The following CBLN2 variants were observed in gnomAD, a reference collection of about 807,000 sequenced individuals.
The protein encoded by CBLN2 is cerebellin 2 precursor, also known as cerebellin-2.
CBLN2 carries 7 observed loss-of-function variants against 15.0 expected under a neutral mutation model. The ratio of observed to expected loss-of-function variants is 0.47; its 90% CI spans 0.27 to 0.88. The LOEUF (loss-of-function observed/expected upper bound fraction) is 0.88. CBLN2 is among the 40% of genes least tolerant of loss of function. CBLN2 has a pLI of 0.14. For synonymous variants in CBLN2, 149 were observed against 135.2 expected (o/e 1.10, Z -0.71); for missense variants, 242 against 304.5 (o/e 0.79, Z 1.53).
chr18:72,615,476 A>C (rs920709011), intron 1 of CBLN2, among the ~76,000 whole-genome samples: 3 of 151,520 alleles, frequency 2.0e-5, no homozygotes, highest in African/African-American at 7.3e-5. Flanking sequence ...GGGTTTCCCC[A>C]TGTTGGTCAG....
At chr18:72,541,232 C>T (rs2069108162) in intron 3 of CBLN2, among the ~76,000 whole-genome samples, 1 of 151,974 alleles carries the variant, frequency 6.6e-6, no homozygotes, top group Admixed American at 6.6e-5. Flanking sequence ...ATTTTACTTA[C>T]ACAATCACAA....
At chr18:72,556,225 GA>G (rs1462073302) in intron 1 of CBLN2, among the ~76,000 whole-genome samples, 1 of 152,074 alleles carries the variant, frequency 6.6e-6, no homozygotes, top group African/African-American at 2.4e-5. Flanking sequence ...AATAAATGTG[GA>G]ATTCTTTTAC....
intron 1 of CBLN2, among the ~76,000 whole-genome samples, chr18:72,623,744 A>G (rs1347780055): frequency 5.3e-5 from 8 of 152,154 alleles, no homozygotes; most frequent in Admixed American, 4.6e-4. Flanking sequence ...ATTGTGAACA[A>G]CATTACCAAG....
chr18:72,601,826 C>A (rs2144943387), intron 1 of CBLN2, among the ~76,000 whole-genome samples: 1 of 152,294 alleles, frequency 6.6e-6, no homozygotes, highest in South Asian at 2.1e-4. Context: ...TCCACAGACT[C>A]TTTTGTACAA....
intron 1 of CBLN2, among the ~76,000 whole-genome samples, chr18:72,611,594 G>T (rs1054123784): frequency 1.3e-5 from 2 of 151,972 alleles, no homozygotes; most frequent in African/African-American, 4.8e-5. Flanking sequence ...TGGGGTATTT[G>T]TTTTTGCTTG....
intron 1 of CBLN2, among the ~76,000 whole-genome samples, chr18:72,637,837 G>A (rs998785717): frequency 3.3e-5 from 5 of 152,212 alleles, no homozygotes; most frequent in African/African-American, 4.8e-5. Context: ...ATTTCCAAGA[G>A]TAGTATGTGG....
chr18:72,620,858 C>T (rs1187943297), intron 1 of CBLN2, among the ~76,000 whole-genome samples: 1 of 152,132 alleles, frequency 6.6e-6, no homozygotes, highest in Admixed American at 6.5e-5. Context: ...TTAAAAACCA[C>T]CCAGATGGCC....
chr18:72,629,661 C>T (rs1366390817), intron 1 of CBLN2, among the ~76,000 whole-genome samples: 1 of 152,004 alleles, frequency 6.6e-6, no homozygotes, highest in Admixed American at 6.6e-5. Context: ...CCCCTCAAAA[C>T]ATCTTGTTAT....
chr18:72,626,678 C>T (rs575493318), intron 1 of CBLN2, among the ~76,000 whole-genome samples: 146 of 152,138 alleles, frequency 9.6e-4, no homozygotes, highest in African/African-American at 3.2e-3. Flanking sequence ...CCAACCTTGG[C>T]GACAGAGTGA....
Position 72,608,545 on chromosome 18 carries a change from A to C in CBLN2, c.15+29780T>G, listed in dbSNP as rs190285136. 1.9e-3 allele frequency among the ~76,000 whole-genome samples: 293 copies of C among 152,316 alleles called. 1 individual carries two copies. The highest frequency in any genetic ancestry group is 7.0e-3 in the African/African-American group (289 of 41,582). ...TTCACATTTTTCTAAATTCCTGATT[A>C]GTATTTTATTAGGGAGCAGCAAGTT... is the stretch of plus-strand genomic sequence containing the variant. On this transcript the variant is annotated intron_variant, in intron 1 of 2. Coordinates refer to the CBLN2 transcript ENST00000581073.
chr18:72,567,147 A>G (rs927200227), intron 1 of CBLN2, among the ~76,000 whole-genome samples: 3 of 152,188 alleles, frequency 2.0e-5, no homozygotes, highest in Admixed American at 2.0e-4. Flanking sequence ...GTTTAAGGTG[A>G]TGGATATGCT....
intron 1 of CBLN2, among the ~76,000 whole-genome samples, chr18:72,607,701 CT>C (rs1368976463): frequency 6.6e-6 from 1 of 151,926 alleles, no homozygotes; most frequent in African/African-American, 2.4e-5. Context: ...CTCTTTCTCT[CT>C]TTCTCTCTCT....
chr18:72,597,682 G>T (rs1323172228), intron 1 of CBLN2, among the ~76,000 whole-genome samples: 5 of 152,164 alleles, frequency 3.3e-5, no homozygotes, highest in Admixed American at 1.3e-4. Context: ...TGTGAACAAG[G>T]GCTTCTAATC....
chr18:72,565,085 A>G (rs1289635010), intron 1 of CBLN2, among the ~76,000 whole-genome samples: 1 of 152,228 alleles, frequency 6.6e-6, no homozygotes, highest in East Asian at 1.9e-4. Flanking sequence ...CCAGACAAGC[A>G]AAAGCTGAAG....
At chr18:72,590,481 G>T (rs2144929751) in intron 1 of CBLN2, among the ~76,000 whole-genome samples, 1 of 152,198 alleles carries the variant, frequency 6.6e-6, no homozygotes, top group East Asian at 1.9e-4. Flanking sequence ...AAATGGATAT[G>T]AAAAGTAATA....
In CBLN2 at chr18:72,538,729, A is replaced by G; in HGVS notation, c.401T>C (p.Ile134Thr). ...AATCCCTTTTCTCGGTGCTACAAAT[A>G]TACTGGAAGCAAGATCAAAGTGGTT... is the stretch of plus-strand genomic sequence containing the variant. ...IGNHFDLASSIFVAPRKGIYS... is the reference protein window; with the variant it reads ...IGNHFDLASSTFVAPRKGIYS... Residue 134 changes from isoleucine (I) to threonine (T), a missense_variant, in exon 4 of 5, where the codon ATA becomes ACA. Coordinates refer to ENST00000269503, the MANE Select transcript of CBLN2 (RefSeq NM_182511.4). 1 of 1,614,006 alleles carries G rather than the reference A, an allele frequency of 6.2e-7. No individual in the cohort carries two copies. Among genetic ancestry groups the G allele is most frequent in the Non-Finnish European group, 8.5e-7 (1 of 1,180,008 alleles).
At chr18:72,595,653 A>C (rs2069508681) in intron 1 of CBLN2, among the ~76,000 whole-genome samples, 2 of 152,026 alleles carry the variant, frequency 1.3e-5, no homozygotes, top group Non-Finnish European at 2.9e-5. Flanking sequence ...ACTGGGGTTT[A>C]TCTCTCTCTT....
chr18:72,630,814 A>G (rs188626471), intron 1 of CBLN2, among the ~76,000 whole-genome samples: 1 of 152,186 alleles, frequency 6.6e-6, no homozygotes, highest in Admixed American at 6.5e-5. Flanking sequence ...ACATTCTTGC[A>G]TTACAAATTT....
intron 1 of CBLN2, among the ~76,000 whole-genome samples, chr18:72,601,178 T>A (rs1599018009): frequency 6.6e-6 from 1 of 152,182 alleles, no homozygotes; most frequent in Non-Finnish European, 1.5e-5. Flanking sequence ...GCTATTATCA[T>A]CCTTGCTTTA....
Sources: allele counts gnomAD v4.1 joint callset (sites outside exome capture counted in the v4.1 genomes callset), GRCh38; gene constraint gnomAD v4.1.1; transcripts MANE v1.5; gene names NCBI Gene and HGNC (gene_info 2026-07-23, HGNC 2026-07-21).